NXF1: variants seen among roughly 807,000 people sequenced by gnomAD.
The protein encoded by NXF1 is nuclear RNA export factor 1.
Under a neutral mutation model 92.4 loss-of-function variants are expected in NXF1, and 43 were observed. The ratio of observed to expected loss-of-function variants is 0.47; its 90% confidence interval spans 0.36 to 0.60. The LOEUF (loss-of-function observed/expected upper bound fraction) is 0.60. Among genes scored for constraint, NXF1 ranks in the 20% least tolerant of loss-of-function variants. The pLI is 0.00. For missense variants in NXF1, 576 were observed against 793.0 expected, an observed-to-expected ratio of 0.73 and a Z score of 3.29; for synonymous variants, 288 against 292.2, an observed-to-expected ratio of 0.99 and a Z score of 0.15.
intron 1 of NXF1, chr11:62,804,315 G>A: frequency 1.2e-6 from 1 of 802,898 alleles, no homozygotes; most frequent in Non-Finnish European, 1.8e-6. Flanking sequence ...TCAGTACTTT[G>A]TCTATACAGT....
Position 62,801,360 on chromosome 11 carries a change from G to A in NXF1, c.767C>T (p.Thr256Ile). 1 of 1,614,080 alleles carries A rather than the reference G, an allele frequency of 6.2e-7. No homozygotes were observed. Among genetic ancestry groups the A allele is most frequent in the South Asian group, 1.1e-5 (1 of 91,080 alleles). The change falls in exon 8 of 21, where the codon ACC becomes ATC. Residue 256 changes from threonine (T) to isoleucine (I), a missense_variant. Thr to Ile is a moderately conservative substitution (Grantham distance 89). This residue lies in a region of NXF1 where 425 missense variants were observed against 635.2 expected (regional missense o/e 0.67). Coordinates refer to ENST00000294172, the MANE Select transcript of NXF1 (RefSeq NM_006362.5). The part of the protein sequence containing the change: ...VLNRRSCMAA[T>I]LRIIEENIPE... ...GATGTTCTCTTCAATGATCCTCAGG[G>A]TAGCTGCCATACAGCTTCTGCGATT...
Position 62,801,733 on chromosome 11 carries a change from C to A in NXF1, c.639+6G>T. ...GTTGGAAACATCTAATTTGAGCCTG[C>A]CTCACCTTTAGCTGTTCTACTTGTT... On this transcript the variant is annotated splice_donor_region_variant and intron_variant, in intron 6 of 20. Transcript: ENST00000294172. The A allele has an allele frequency of 1.2e-6, 2 of 1,613,160 alleles. No individual in the cohort carries two copies. The highest frequency in any genetic ancestry group is 1.7e-6 in the Non-Finnish European group (2 of 1,179,108).
chr11:62,798,220 G>A (rs557438127), intron 11 of NXF1, among the ~76,000 whole-genome samples: 1 of 151,604 alleles, frequency 6.6e-6, no homozygotes, highest in Middle Eastern at 3.4e-3. Context: ...CTGAGGTCAG[G>A]AATTCAAGGC....
intron 10 of NXF1, chr11:62,800,062 T>G: frequency 8.4e-7 from 1 of 1,189,284 alleles, no homozygotes. Context: ...TACCCTCTGG[T>G]TAGAGTAGAA....
intron 18 of NXF1, chr11:62,794,692 T>C (rs2084402878): frequency 1.7e-6 from 1 of 587,726 alleles, no homozygotes; most frequent in South Asian, 2.2e-5. Flanking sequence ...GAAATGAATA[T>C]TGTTATATGA....
intron 1 of NXF1, 77 bp downstream of exon 1, chr11:62,805,252 C>CG: frequency 1.4e-6 from 2 of 1,474,862 alleles, no homozygotes; most frequent in Non-Finnish European, 1.8e-6. Context: ...CCTCACGCCC[C>CG]GGGGGCTGAG....
At chr11:62,798,973 C>A (rs976490006) in intron 10 of NXF1, 1 of 1,027,632 alleles carries the variant, frequency 9.7e-7, no homozygotes, top group African/African-American at 1.7e-5. Context: ...TCTGCCAGGT[C>A]TGGCTTTGGC....
At chr11:62,793,082 CTTT>C (rs5792271) in intron 19 of NXF1, among the ~76,000 whole-genome samples, 23 of 140,432 alleles carry the variant, frequency 1.6e-4, no homozygotes, top group Admixed American at 2.9e-4. Context: ...TTTCTGTTTG[CTTT>C]TTTTTTTTTT....
intron 10 of NXF1, 35 bp downstream of exon 10, chr11:62,800,342 G>A: frequency 6.2e-7 from 1 of 1,613,746 alleles, no homozygotes; most frequent in South Asian, 1.1e-5. Flanking sequence ...AGGGGGTGAA[G>A]GTCCCCAGGA....
chr11:62,798,623 C>A (rs1206789197), intron 10 of NXF1, 48 bp from the exon 11 acceptor site: 1 of 1,610,642 alleles, frequency 6.2e-7, no homozygotes, highest in East Asian at 2.2e-5. Flanking sequence ...GCCACCGTGC[C>A]TCCTGGGCTG....
chr11:62,803,320 A>C (rs761015334), intron 3 of NXF1, 99 bp downstream of exon 3: 2 of 1,087,052 alleles, frequency 1.8e-6, no homozygotes, highest in East Asian at 5.2e-5. Context: ...CATTTAAAAA[A>C]AATAATAATA....
rs1216790338 is a variant in NXF1, at chr11:62,792,232, T to TA, written c.*243dup. The TA allele has an allele frequency of 1.5e-6, 1 of 669,310 alleles. No individual in the cohort carries two copies. The highest frequency in any genetic ancestry group is 2.6e-6 in the Non-Finnish European group (1 of 385,990). The allele number at this position is 669,310 out of a possible 1,614,324, so 41.5% of individuals were successfully genotyped here. A position where few individuals can be genotyped will look rare whatever the true frequency, so the allele number is the denominator to read the frequency against. The stretch of plus-strand genomic sequence containing the variant: ...CCTGGGGTTAAGTACACAAAGCACC[T>TA]AAGTCCTTCGGGTAGTTTAGTGTCA... On this transcript the variant is annotated 3_prime_UTR_variant, in exon 21 of 21. Transcript: ENST00000294172.
In NXF1 at chr11:62,792,215, T is replaced by A. The variant is rs1479183504; in HGVS notation, c.*261A>T. ...TTAAAAAGTAAGGAGGTCCTGGGGT[T>A]AAGTACACAAAGCACCTAAGTCCTT... is the stretch of plus-strand genomic sequence containing the variant. On this transcript the variant is annotated 3_prime_UTR_variant, in exon 21 of 21. Transcript: ENST00000294172. 3.1e-6 allele frequency: 2 copies of A among 653,208 alleles called. No homozygotes were observed. The highest frequency in any genetic ancestry group is 5.3e-5 in the East Asian group (2 of 37,696). The allele number at this position is 653,208 out of a possible 1,614,324, so 40.5% of individuals were successfully genotyped here.
chr11:62,798,964 C>G (rs1054284924), intron 10 of NXF1: 1 of 1,036,298 alleles, frequency 9.6e-7, no homozygotes, highest in Admixed American at 5.2e-5. Flanking sequence ...TCCATCAGTT[C>G]TGCCAGGTCT....
At chr11:62,792,744 TA>T (rs778004065) in intron 19 of NXF1, 43 bp from the exon 20 acceptor site, 1 of 1,601,818 alleles carries the variant, frequency 6.2e-7, no homozygotes, top group Non-Finnish European at 8.5e-7. Context: ...CTCTGACTCG[TA>T]AATGCCAGCT....
chr11:62,800,164 CAG>C (rs1466468023), intron 10 of NXF1: 2 of 1,398,214 alleles, frequency 1.4e-6, no homozygotes. Flanking sequence ...ACCCAGCAAA[CAG>C]ATAGTCAAGT....
chr11:62,796,648 G>T, intron 13 of NXF1, 81 bp from the exon 14 acceptor site: 1 of 935,094 alleles, frequency 1.1e-6, no homozygotes, highest in Non-Finnish European at 1.7e-6. Context: ...AGAGTGAGTT[G>T]TGGCCGGGCA....
At chr11:62,804,599 G>A (rs116591122) in intron 1 of NXF1, among the ~76,000 whole-genome samples, 1 of 152,090 alleles carries the variant, frequency 6.6e-6, no homozygotes, top group East Asian at 1.9e-4. Flanking sequence ...TCCCAAAAGA[G>A]GTCTGCCTAA....
At chr11:62,797,063 G>A (rs1723513735) in intron 13 of NXF1, 120 bp downstream of exon 13, 18 of 788,914 alleles carry the variant, frequency 2.3e-5, no homozygotes, top group South Asian at 2.0e-4. Context: ...GTGAGACACT[G>A]TCCAAAAAAA....
Sources: allele counts gnomAD v4.1 joint callset (sites outside exome capture counted in the v4.1 genomes callset), GRCh38; gene constraint gnomAD v4.1.1; regional missense constraint gnomAD v4.1.1; transcripts MANE v1.5; gene names NCBI Gene and HGNC (gene_info 2026-07-23, HGNC 2026-07-21).